Variants in HEATR6 observed in about 807,000 individuals in gnomAD.
The protein encoded by HEATR6 is HEAT repeat containing 6.
In HEATR6, 106 loss-of-function variants were observed where a neutral mutation model predicts 132.8. That is an observed-to-expected ratio of 0.80 (90% confidence interval 0.68 to 0.94). HEATR6 has a LOEUF of 0.94. HEATR6 is among the 40% of genes least tolerant of loss of function. The pLI is 0.00. For missense variants in HEATR6, 1,339 were observed against 1,425.1 expected, an observed-to-expected ratio of 0.94 and a Z score of 0.97; for synonymous variants, 529 against 537.8, an observed-to-expected ratio of 0.98 and a Z score of 0.23.
chr17:60,075,862 ATTAT>A, intron 2 of HEATR6: 1 of 196,934 alleles, frequency 5.1e-6, no homozygotes, highest in Non-Finnish European at 1.0e-5. Context: ...AAAAAAAGAA[ATTAT>A]AAGGTTGGGG....
intron 4 of HEATR6, among the ~76,000 whole-genome samples, chr17:60,072,580 G>A (rs2083275854): frequency 6.6e-6 from 1 of 152,146 alleles, no homozygotes; most frequent in Admixed American, 6.5e-5. Context: ...GAAGAACTAT[G>A]GAGAAAGAAA....
At chr17:60,045,303 T>G (rs1475231156) in intron 19 of HEATR6, among the ~76,000 whole-genome samples, 4 of 152,206 alleles carry the variant, frequency 2.6e-5, no homozygotes. Flanking sequence ...CAGACTCCCC[T>G]CACTTGATGT....
chr17:60,045,607 G>T (rs1311171811), intron 19 of HEATR6, among the ~76,000 whole-genome samples: 1 of 151,990 alleles, frequency 6.6e-6, no homozygotes, highest in African/African-American at 2.4e-5. Flanking sequence ...GACCATTAAA[G>T]TAATATATGC....
intron 2 of HEATR6, 62 bp from the exon 3 acceptor site, chr17:60,073,948 A>G: frequency 1.3e-6 from 2 of 1,564,212 alleles, no homozygotes; most frequent in Non-Finnish European, 1.7e-6. Context: ...GCTTTTATGG[A>G]CATGTATGCT....
In HEATR6 at chr17:60,042,008, A is replaced by G. The variant is rs539335733; in HGVS notation, c.*1555T>C. 6.6e-6 allele frequency among the ~76,000 whole-genome samples: 1 copy of G among 152,300 alleles called. No homozygotes were observed. The highest frequency in any genetic ancestry group is 1.9e-4 in the East Asian group (1 of 5,182). On this transcript the variant is annotated 3_prime_UTR_variant, in exon 20 of 20. Transcript: ENST00000184956. ...GTAGAAAAATGCAAAATTTAAATAT[A>G]TATATTCAGTAGAAGTTACCTTCAT...
At chr17:60,067,096 C>G (rs1479446779) in intron 8 of HEATR6, among the ~76,000 whole-genome samples, 3 of 151,626 alleles carry the variant, frequency 2.0e-5, no homozygotes, top group African/African-American at 7.3e-5. Flanking sequence ...CGGTGAAACC[C>G]CGTCTCTACT....
intron 1 of HEATR6, among the ~76,000 whole-genome samples, chr17:60,078,006 A>T (rs2083304803): frequency 6.6e-6 from 1 of 152,120 alleles, no homozygotes; most frequent in African/African-American, 2.4e-5. Context: ...TGGACTGGGG[A>T]CGGGAATGCG....
intron 12 of HEATR6, among the ~76,000 whole-genome samples, chr17:60,056,570 A>C (rs1195813694): frequency 6.6e-6 from 1 of 152,224 alleles, no homozygotes; most frequent in Non-Finnish European, 1.5e-5. Flanking sequence ...GTTAATCAGC[A>C]GCAGACCTCA....
Position 60,041,239 on chromosome 17 carries a change from G to A in HEATR6, c.*2324C>T, listed in dbSNP as rs972519184. 6.6e-6 allele frequency among the ~76,000 whole-genome samples: 1 copy of A among 152,206 alleles called. No individual in the cohort carries two copies. Among genetic ancestry groups the A allele is most frequent in the Admixed American group, 6.5e-5 (1 of 15,282 alleles). On this transcript the variant is annotated 3_prime_UTR_variant, in exon 20 of 20. Coordinates refer to ENST00000184956, the MANE Select transcript of HEATR6 (RefSeq NM_022070.5). ...ATGCCTTCATTGTTTTCCTGCACAT[G>A]AACATTAACATCCACATCAGGATCT... is the stretch of plus-strand genomic sequence containing the variant.
At chr17:60,071,173 A>T (rs1357273534) in intron 5 of HEATR6, among the ~76,000 whole-genome samples, 3 of 152,194 alleles carry the variant, frequency 2.0e-5, no homozygotes, top group African/African-American at 7.2e-5. Flanking sequence ...TGGCAAACCC[A>T]GCCCTCTTAA....
intron 9 of HEATR6, among the ~76,000 whole-genome samples, chr17:60,064,985 C>T (rs1374735244): frequency 2.6e-5 from 4 of 152,240 alleles, no homozygotes; most frequent in Non-Finnish European, 4.4e-5. Flanking sequence ...AGCACCATCT[C>T]GTTGGCCACT....
chr17:60,059,202 C>G (rs1402169777), intron 11 of HEATR6, among the ~76,000 whole-genome samples: 1 of 152,164 alleles, frequency 6.6e-6, no homozygotes, highest in African/African-American at 2.4e-5. Context: ...ATTAAACAGG[C>G]AAACTTTACA....
intron 1 of HEATR6, chr17:60,076,768 CTG>C (rs1254751039): frequency 6.6e-6 from 1 of 152,162 alleles, no homozygotes; most frequent in Non-Finnish European, 1.5e-5. Context: ...GCTGAAGACT[CTG>C]TGCTCTCTAT....
chr17:60,069,629 T>C, intron 7 of HEATR6, 82 bp downstream of exon 7: 1 of 1,322,686 alleles, frequency 7.6e-7, no homozygotes, highest in African/African-American at 1.5e-5. Context: ...TTTAGGGTAG[T>C]AGTGATGCAA....
In HEATR6 at chr17:60,057,065, G is replaced by T. The variant is rs777970457; in HGVS notation, c.2062C>A (p.Arg688=). The part of the protein sequence containing the change: ...AGSTYEPSPM[R]LEALQVLTLL... ...TCTCCTACCTGTAAGGCCTCCAGTC[G>T]CATGGGGGATGGTTCGTAGGTGCTT... Residue 688 remains arginine, a synonymous_variant, in exon 12 of 20, where the codon CGA becomes AGA. Transcript: ENST00000184956. 9.4e-6 allele frequency: 15 copies of T among 1,597,618 alleles called. No homozygotes were observed. The South Asian group carries it at 1.7e-4, about 18-fold the overall frequency.
chr17:60,070,127 T>C (rs1236301303), intron 6 of HEATR6, among the ~76,000 whole-genome samples: 1 of 152,234 alleles, frequency 6.6e-6, no homozygotes, highest in East Asian at 1.9e-4. Flanking sequence ...ATTTATAAAA[T>C]TTATCCAATT....
rs1208795959 is a variant in HEATR6, at chr17:60,073,773, C to T, written c.441G>A (p.Val147=). ...TTTGACATTTGGAGCCATTGCAGTA[C>T]ACCAGAGCTGCCAGGGCTTGAAGAA... ...REILQALAAL[V]YCNGSKCQKY... Residue 147 remains valine (V), a synonymous_variant, in exon 3 of 20, where the codon GTG becomes GTA. Transcript: ENST00000184956. 6.2e-7 allele frequency: 1 copy of T among 1,614,104 alleles called. No homozygotes were observed. Among genetic ancestry groups the T allele is most frequent in the African/African-American group, 1.3e-5 (1 of 75,044 alleles).
In HEATR6 at chr17:60,076,119, T is replaced by C. The variant is rs2145204126; in HGVS notation, c.327+11A>G. ...TCATGATCTGAATTCTAGAGTTACA[T>C]ACATGATTACCTGTAATCTGTTAAG... On this transcript the variant is annotated intron_variant, in intron 2 of 19. Coordinates refer to ENST00000184956, the MANE Select transcript of HEATR6 (RefSeq NM_022070.5). 6.9e-7 allele frequency: 1 copy of C among 1,458,826 alleles called. No individual in the cohort carries two copies. Among genetic ancestry groups the C allele is most frequent in the Non-Finnish European group, 9.6e-7 (1 of 1,040,920 alleles). 90.4% of individuals were successfully genotyped at this position (1,458,826 alleles called of 1,614,324 possible).
At chr17:60,051,027 C>A in intron 14 of HEATR6, 50 bp from the exon 15 acceptor site, 6 of 1,602,156 alleles carry the variant, frequency 3.7e-6, no homozygotes, top group Non-Finnish European at 5.1e-6. Context: ...AACAGGGGAA[C>A]CAACTTGGAG....
Sources: allele counts gnomAD v4.1 joint callset (sites outside exome capture counted in the v4.1 genomes callset), GRCh38; gene constraint gnomAD v4.1.1; transcripts MANE v1.5; gene names NCBI Gene and HGNC (gene_info 2026-07-23, HGNC 2026-07-21).